ENTREP2: variants seen among roughly 807,000 people sequenced by gnomAD.
ENTREP2 encodes endosomal transmembrane epsin interactor 2.
the ENTREP2 span, among the ~76,000 whole-genome samples, chr15:29,519,410 A>C: frequency 1.3e-5 from 2 of 151,756 alleles, no homozygotes; most frequent in Non-Finnish European, 2.9e-5. Context: ...CGAGATAGCA[A>C]GACCAAGCCC....
the ENTREP2 span, among the ~76,000 whole-genome samples, chr15:29,634,489 A>C: frequency 6.6e-6 from 1 of 152,256 alleles, no homozygotes; most frequent in East Asian, 1.9e-4. Flanking sequence ...TCACCCCACA[A>C]AAATCAACAC....
At chr15:29,281,350 G>A in the ENTREP2 span, among the ~76,000 whole-genome samples, 3 of 152,278 alleles carry the variant, frequency 2.0e-5, no homozygotes, top group East Asian at 5.8e-4. Context: ...TATAATAAGT[G>A]ACGGGTTTAG....
chr15:29,227,547 G>A, the ENTREP2 span, among the ~76,000 whole-genome samples: 3 of 152,266 alleles, frequency 2.0e-5, no homozygotes, highest in South Asian at 2.1e-4. Context: ...GGTGGTCGCT[G>A]CAGGCCAGAA....
At chr15:29,236,325 A>C in the ENTREP2 span, among the ~76,000 whole-genome samples, 2 of 152,148 alleles carry the variant, frequency 1.3e-5, no homozygotes, top group Non-Finnish European at 2.9e-5. Flanking sequence ...TATGAAACAG[A>C]TAATTTGAAT....
the ENTREP2 span, among the ~76,000 whole-genome samples, chr15:29,186,894 C>T: frequency 1.3e-5 from 2 of 152,106 alleles, no homozygotes; most frequent in Non-Finnish European, 2.9e-5. Flanking sequence ...AGGTCTTCAG[C>T]CATTTTTGTG....
chr15:29,393,445 G>A, the ENTREP2 span, among the ~76,000 whole-genome samples: 112 of 152,308 alleles, frequency 7.4e-4, no homozygotes, highest in African/African-American at 2.5e-3. Flanking sequence ...CTCAGGGCAA[G>A]TCCCTTCTCC....
chr15:29,488,506 G>A, the ENTREP2 span, among the ~76,000 whole-genome samples: 3 of 152,144 alleles, frequency 2.0e-5, no homozygotes, highest in African/African-American at 7.2e-5. Context: ...AATATTTGGA[G>A]AAATAATTGC....
the ENTREP2 span, among the ~76,000 whole-genome samples, chr15:29,169,251 T>A: frequency 6.6e-6 from 1 of 152,216 alleles, no homozygotes; most frequent in African/African-American, 2.4e-5. Flanking sequence ...ACACCATTTT[T>A]AAATATTTGG....
At chr15:29,461,585 G>A in the ENTREP2 span, among the ~76,000 whole-genome samples, 1 of 152,056 alleles carries the variant, frequency 6.6e-6, no homozygotes, top group Admixed American at 6.6e-5. Flanking sequence ...AGGTTCAAGC[G>A]ATTCTCCTTA....
At chr15:29,127,344 G>T in the ENTREP2 span, among the ~76,000 whole-genome samples, 1 of 152,186 alleles carries the variant, frequency 6.6e-6, no homozygotes, top group Non-Finnish European at 1.5e-5. Flanking sequence ...GGAGTTGCCT[G>T]CATGGGGGAC....
chr15:29,277,390 A>G, the ENTREP2 span, among the ~76,000 whole-genome samples: 2 of 152,172 alleles, frequency 1.3e-5, no homozygotes, highest in African/African-American at 4.8e-5. Context: ...CTGGTGATTT[A>G]CCTTTGCAGA....
At chr15:29,206,916 G>C in the ENTREP2 span, among the ~76,000 whole-genome samples, 1 of 152,012 alleles carries the variant, frequency 6.6e-6, no homozygotes, top group African/African-American at 2.4e-5. Context: ...ATTCACACAC[G>C]TGTCACCAAC....
chr15:29,157,498 A>G, the ENTREP2 span, among the ~76,000 whole-genome samples: 1 of 152,156 alleles, frequency 6.6e-6, no homozygotes, highest in African/African-American at 2.4e-5. Context: ...AAACTGACAG[A>G]TTTATCCATG....
At chr15:29,531,017 A>G in the ENTREP2 span, among the ~76,000 whole-genome samples, 1 of 152,298 alleles carries the variant, frequency 6.6e-6, no homozygotes, top group African/African-American at 2.4e-5. Flanking sequence ...GACGGAGAGA[A>G]GAGGGAGGCA....
At chr15:29,398,499 G>A in the ENTREP2 span, among the ~76,000 whole-genome samples, 61 of 152,146 alleles carry the variant, frequency 4.0e-4, 3 homozygotes, top group South Asian at 0.01. Context: ...CGAGGCTAGC[G>A]GATCACTTGA....
chr15:29,336,341 T>C, the ENTREP2 span, among the ~76,000 whole-genome samples: 1 of 151,768 alleles, frequency 6.6e-6, no homozygotes, highest in Non-Finnish European at 1.5e-5. Flanking sequence ...AGACAGAGTC[T>C]CACTCTGTCA....
the ENTREP2 span, among the ~76,000 whole-genome samples, chr15:29,172,126 G>A: frequency 5.3e-4 from 80 of 152,212 alleles, no homozygotes; most frequent in Non-Finnish European, 1.0e-3. Context: ...CTAGATTTGA[G>A]CCTGCTTGAA....
At chr15:29,178,621 C>T in the ENTREP2 span, among the ~76,000 whole-genome samples, 4 of 151,998 alleles carry the variant, frequency 2.6e-5, no homozygotes, top group East Asian at 7.8e-4. Context: ...CCTTTGCTCA[C>T]CCAACTTCCC....
chr15:29,600,489 C>A, the ENTREP2 span, among the ~76,000 whole-genome samples: 1 of 140,642 alleles, frequency 7.1e-6, no homozygotes, highest in Middle Eastern at 3.9e-3. Flanking sequence ...TCATCGTCAT[C>A]TCATCATCAT....
Sources: allele counts gnomAD v4.1 joint callset (sites outside exome capture counted in the v4.1 genomes callset), GRCh38; gene constraint gnomAD v4.1.1; transcripts MANE v1.5; gene names NCBI Gene and HGNC (gene_info 2026-07-23, HGNC 2026-07-21).